IGF1: variants seen among roughly 807,000 people sequenced by gnomAD.
IGF1 encodes the protein insulin like growth factor 1, also known as insulin-like growth factor 1.
IGF1 carries 4 observed loss-of-function variants against 13.8 expected under a neutral mutation model. The observed-to-expected ratio is 0.29, with a 90% CI of 0.14 to 0.66. The LOEUF is 0.66. IGF1 is among the 30% of genes least tolerant of loss of function. The pLI is 0.78. For synonymous variants in IGF1, 76 were observed against 72.6 expected (o/e 1.05, Z -0.23); for missense variants, 124 against 188.5 (o/e 0.66, Z 2.00).
At chr12:102,451,813 C>T (rs1878961339) in intron 2 of IGF1, among the ~76,000 whole-genome samples, 4 of 152,016 alleles carry the variant, frequency 2.6e-5, no homozygotes, top group Admixed American at 2.6e-4. Flanking sequence ...CTGTAATTCC[C>T]ATGTGTGGAG....
At chr12:102,414,686 A>G (rs2195242) in intron 3 of IGF1, among the ~76,000 whole-genome samples, 106,137 of 152,074 alleles carry the variant, frequency 0.7, 37,312 homozygotes, top group Admixed American at 0.76. Context: ...GGCCTCCCAA[A>G]GTGCTAGGAT....
At chr12:102,407,538 G>GT (rs1209832820) in intron 3 of IGF1, among the ~76,000 whole-genome samples, 2 of 152,234 alleles carry the variant, frequency 1.3e-5, no homozygotes, top group Non-Finnish European at 2.9e-5. Context: ...TGATGGAGAT[G>GT]TAATAGTGGT....
intron 2 of IGF1, among the ~76,000 whole-genome samples, chr12:102,433,849 G>GATC (rs945180783): frequency 6.6e-6 from 1 of 152,180 alleles, no homozygotes; most frequent in African/African-American, 2.4e-5. Flanking sequence ...AAAAGAGGAT[G>GATC]ATCATCATTT....
chr12:102,475,869 A>G, intron 1 of IGF1, 70 bp from the exon 2 acceptor site: 1 of 1,482,924 alleles, frequency 6.7e-7, no homozygotes, highest in Non-Finnish European at 9.2e-7. Context: ...GTGGGACAGA[A>G]GTGCATTGAC....
chr12:102,442,173 T>G (rs1395292456), intron 2 of IGF1, among the ~76,000 whole-genome samples: 1 of 151,034 alleles, frequency 6.6e-6, no homozygotes, highest in African/African-American at 2.4e-5. Flanking sequence ...GGTCTCGAAC[T>G]CCTCAGCTCA....
Position 102,475,866 on chromosome 12 carries a change from A to G in IGF1, c.64-67T>C, listed in dbSNP as rs537617384. ...CCTTGCAAGGGGAGTGGGGTGGGAC[A>G]GAAGTGCATTGACTCCCACGATTCC... On this transcript the variant is annotated intron_variant, in intron 1 of 3. Transcript: ENST00000337514. 3.3e-6 allele frequency: 5 copies of G among 1,498,148 alleles called. No individual in the cohort carries two copies. The African/African-American group carries it at 4.1e-5, about 12-fold the overall frequency. 92.8% of individuals were successfully genotyped at this position (1,498,148 alleles called of 1,614,324 possible). A position where few individuals can be genotyped will look rare whatever the true frequency, so the allele number is the denominator to read the frequency against.
At chr12:102,470,453 A>G (rs751641815) in intron 2 of IGF1, among the ~76,000 whole-genome samples, 2 of 152,226 alleles carry the variant, frequency 1.3e-5, no homozygotes, top group Non-Finnish European at 2.9e-5. Flanking sequence ...GGTTGCAGAA[A>G]CTGGTCCTTT....
At chr12:102,420,600 A>G (rs1416209532) in intron 2 of IGF1, among the ~76,000 whole-genome samples, 1 of 152,116 alleles carries the variant, frequency 6.6e-6, no homozygotes, top group Non-Finnish European at 1.5e-5. Context: ...ACTAATTACA[A>G]TACCAATCTA....
chr12:102,412,683 G>C (rs1452775960), intron 3 of IGF1, among the ~76,000 whole-genome samples: 3 of 152,116 alleles, frequency 2.0e-5, no homozygotes, highest in Non-Finnish European at 2.9e-5. Flanking sequence ...TCTAACAATA[G>C]GCAATGAAAG....
At chr12:102,479,364 A>C (rs1161599342) in intron 1 of IGF1, among the ~76,000 whole-genome samples, 1 of 152,206 alleles carries the variant, frequency 6.6e-6, no homozygotes, top group Non-Finnish European at 1.5e-5. Flanking sequence ...AGGCAATTGA[A>C]TCGGTGGAGC....
intron 2 of IGF1, among the ~76,000 whole-genome samples, chr12:102,427,389 C>A (rs1876304797): frequency 6.6e-6 from 1 of 152,088 alleles, no homozygotes; most frequent in Non-Finnish European, 1.5e-5. Context: ...AGGGTAACGC[C>A]CTCTTTCTGG....
intron 3 of IGF1, among the ~76,000 whole-genome samples, chr12:102,409,839 C>T (rs1204266526): frequency 2.0e-5 from 3 of 152,328 alleles, no homozygotes; most frequent in Non-Finnish European, 2.9e-5. Flanking sequence ...TGCCACAGGG[C>T]AAGTACCTAA....
chr12:102,403,013 G>T (rs1549593), intron 3 of IGF1, among the ~76,000 whole-genome samples: 16,999 of 152,068 alleles, frequency 0.11, 1,268 homozygotes, highest in Admixed American at 0.2. Flanking sequence ...ATTTTTCATT[G>T]TTTTTCTTGT....
chr12:102,412,871 C>T (rs1028689121), intron 3 of IGF1, among the ~76,000 whole-genome samples: 1 of 152,132 alleles, frequency 6.6e-6, no homozygotes, highest in African/African-American at 2.4e-5. Context: ...TTCTTTTGGA[C>T]ACTGGATGAA....
intron 2 of IGF1, among the ~76,000 whole-genome samples, chr12:102,470,868 T>G (rs543640038): frequency 6.6e-6 from 1 of 152,336 alleles, no homozygotes; most frequent in African/African-American, 2.4e-5. Context: ...GATTCTTATT[T>G]GTCCCCTCTA....
chr12:102,443,256 A>G (rs1392107486), intron 2 of IGF1, among the ~76,000 whole-genome samples: 2 of 152,140 alleles, frequency 1.3e-5, no homozygotes, highest in Non-Finnish European at 2.9e-5. Context: ...AAGTTCTAGG[A>G]AATGAAATAT....
chr12:102,479,311 A>G (rs1334010067), intron 1 of IGF1, among the ~76,000 whole-genome samples: 1 of 152,212 alleles, frequency 6.6e-6, no homozygotes, highest in Non-Finnish European at 1.5e-5. Flanking sequence ...CAGCAACTGA[A>G]TGCTGCACTA....
intron 2 of IGF1, among the ~76,000 whole-genome samples, chr12:102,424,045 A>G (rs1160640578): frequency 1.3e-5 from 2 of 152,174 alleles, no homozygotes; most frequent in South Asian, 2.1e-4. Flanking sequence ...TTTTATTTTA[A>G]CTATTTCAAC....
At chr12:102,403,627 T>A (rs1873870062) in intron 3 of IGF1, among the ~76,000 whole-genome samples, 2 of 13,422 alleles carry the variant, frequency 1.5e-4, no homozygotes, top group African/African-American at 2.7e-4. Flanking sequence ...TTGACAATTT[T>A]TTTTTTTTTT....
Sources: gnomAD v4.1 joint callset for allele counts (sites outside exome capture counted in the v4.1 genomes callset) on GRCh38, gnomAD v4.1.1 for gene constraint, MANE v1.5 for transcripts, NCBI Gene and HGNC (gene_info 2026-07-23, HGNC 2026-07-21) for gene names.